The following EHBP1 variants were observed in gnomAD, a reference collection of about 807,000 sequenced individuals.
EHBP1 encodes EH domain binding protein 1.
Under a neutral mutation model 144.0 loss-of-function variants are expected in EHBP1, and 55 were observed. That is an observed-to-expected ratio of 0.38 (90% CI 0.31 to 0.48). EHBP1 has a LOEUF of 0.48. Ranked by LOEUF, EHBP1 falls within the 20% of genes least tolerant of loss-of-function variation. The pLI is 0.98. For missense variants in EHBP1, 1,200 were observed against 1,364.2 expected, an observed-to-expected ratio of 0.88 and a Z score of 1.90; for synonymous variants, 469 against 472.7, an observed-to-expected ratio of 0.99 and a Z score of 0.10.
intron 5 of EHBP1, among the ~76,000 whole-genome samples, chr2:62,778,868 G>GTT (rs11430153): frequency 4.6e-5 from 7 of 150,968 alleles, no homozygotes; most frequent in East Asian, 1.9e-4. Context: ...TCCTTTAGTT[G>GTT]TTTTTTTTTC....
At chr2:63,038,571 G>GTAAA (rs1466800919) in intron 20 of EHBP1, among the ~76,000 whole-genome samples, 172 bp from the exon 21 acceptor site, 1 of 152,164 alleles carries the variant, frequency 6.6e-6, no homozygotes, top group East Asian at 1.9e-4. Flanking sequence ...AATAGCACTA[G>GTAAA]TAAATATTCG....
At chr2:62,906,899 T>C (rs2053853499) in intron 10 of EHBP1, among the ~76,000 whole-genome samples, 1 of 152,242 alleles carries the variant, frequency 6.6e-6, no homozygotes, top group Non-Finnish European at 1.5e-5. Context: ...TTGAATCATA[T>C]AACCTTTTGG....
chr2:62,833,755 C>G (rs1367220695), intron 7 of EHBP1, among the ~76,000 whole-genome samples: 1 of 152,100 alleles, frequency 6.6e-6, no homozygotes, highest in Non-Finnish European at 1.5e-5. Context: ...GCTTTTGAGT[C>G]TTATTATTTA....
chr2:62,824,562 C>T (rs1268421683), intron 5 of EHBP1, among the ~76,000 whole-genome samples: 1 of 151,978 alleles, frequency 6.6e-6, no homozygotes, highest in Non-Finnish European at 1.5e-5. Context: ...ATCTGTTCAA[C>T]TTGATTCAGT....
intron 10 of EHBP1, among the ~76,000 whole-genome samples, chr2:62,899,879 C>T (rs958837390): frequency 2.0e-5 from 3 of 152,156 alleles, no homozygotes; most frequent in African/African-American, 7.2e-5. Flanking sequence ...GAAATATGCA[C>T]AGTTTATTTT....
chr2:62,936,279 A>G (rs1053929724), intron 10 of EHBP1, among the ~76,000 whole-genome samples: 1 of 152,130 alleles, frequency 6.6e-6, no homozygotes, highest in Non-Finnish European at 1.5e-5. Context: ...TTTCTTTAAC[A>G]GTTATAGAAC....
chr2:62,909,323 C>T (rs1308388010), intron 10 of EHBP1, among the ~76,000 whole-genome samples: 2 of 152,138 alleles, frequency 1.3e-5, no homozygotes, highest in East Asian at 3.9e-4. Context: ...GCTGGGACTA[C>T]AGTTGCATGC....
chr2:62,943,951 C>G, intron 12 of EHBP1, 101 bp downstream of exon 12: 2 of 749,188 alleles, frequency 2.7e-6, no homozygotes, highest in Non-Finnish European at 4.4e-6. Context: ...GAGGTCATAA[C>G]TACAACTCAC....
chr2:62,849,561 C>T (rs1215663909), intron 7 of EHBP1, among the ~76,000 whole-genome samples: 3 of 152,014 alleles, frequency 2.0e-5, no homozygotes, highest in Non-Finnish European at 2.9e-5. Context: ...ATAAATGAAA[C>T]ATTATAGATA....
chr2:62,835,166 G>A (rs1361692848), intron 7 of EHBP1, among the ~76,000 whole-genome samples: 2 of 151,930 alleles, frequency 1.3e-5, no homozygotes, highest in African/African-American at 4.8e-5. Context: ...ACCTATCTGT[G>A]TTATTTTAAG....
At chr2:62,993,761 A>G (rs1295404648) in intron 17 of EHBP1, 93 bp downstream of exon 17, 3 of 711,128 alleles carry the variant, frequency 4.2e-6, no homozygotes, top group South Asian at 1.1e-4. Context: ...TATATATAGC[A>G]TATATATATA....
At chr2:62,907,438 A>G (rs76776474) in intron 10 of EHBP1, among the ~76,000 whole-genome samples, 36 of 152,352 alleles carry the variant, frequency 2.4e-4, no homozygotes, top group Non-Finnish European at 4.1e-4. Flanking sequence ...ACACAATACC[A>G]TAAACTGGTT....
intron 12 of EHBP1, among the ~76,000 whole-genome samples, chr2:62,946,008 T>A (rs1249626961): frequency 6.6e-6 from 1 of 152,192 alleles, no homozygotes; most frequent in Admixed American, 6.5e-5. Flanking sequence ...TTTCATTAAT[T>A]ACAATTAAAT....
At chr2:62,754,127 T>G (rs2040031217) in intron 3 of EHBP1, among the ~76,000 whole-genome samples, 1 of 152,224 alleles carries the variant, frequency 6.6e-6, no homozygotes, top group Non-Finnish European at 1.5e-5. Flanking sequence ...TGTGGTTTTA[T>G]CTACCTTCGG....
At chr2:62,863,847 T>TG in intron 8 of EHBP1, among the ~76,000 whole-genome samples, 1 of 135,854 alleles carries the variant, frequency 7.4e-6, no homozygotes, top group South Asian at 2.5e-4. Context: ...GTTGTTTTTT[T>TG]TTTTTTTTTT....
rs574910221 is a variant in EHBP1 at position 62,682,149 on chromosome 2, T to C, written c.-296+8066T>C. On this transcript the variant is annotated intron_variant, in intron 1 of 22. Coordinates refer to the EHBP1 transcript ENST00000405015. ...AGGCTGGATAGCCATTTAGGAAGGATGTGGAGGACATGCCTACATTGTCAG... is the reference window on the plus strand; with the variant it reads ...AGGCTGGATAGCCATTTAGGAAGGACGTGGAGGACATGCCTACATTGTCAG... Among the ~76,000 whole-genome samples, 11 of 152,346 alleles carry C rather than the reference T, an allele frequency of 7.2e-5. No homozygotes were observed. The South Asian group carries it at 2.3e-3, about 32-fold the overall frequency.
intron 5 of EHBP1, among the ~76,000 whole-genome samples, chr2:62,777,558 C>T (rs1007747099): frequency 6.6e-6 from 1 of 151,566 alleles, no homozygotes; most frequent in Non-Finnish European, 1.5e-5. Context: ...CTAGGATGTC[C>T]CACAGTTATA....
At chr2:62,677,502 A>G (rs781397461) in intron 1 of EHBP1, among the ~76,000 whole-genome samples, 1 of 152,114 alleles carries the variant, frequency 6.6e-6, no homozygotes, top group Non-Finnish European at 1.5e-5. Flanking sequence ...AAACAATCCA[A>G]TTATACTCTT....
chr2:62,937,466 A>G (rs1385893629), intron 10 of EHBP1, among the ~76,000 whole-genome samples: 15 of 152,230 alleles, frequency 9.9e-5, no homozygotes, highest in Admixed American at 9.2e-4. Context: ...TGAAAAATTA[A>G]TAAGCCTTTT....
Sources: gnomAD v4.1 joint callset for allele counts (sites outside exome capture counted in the v4.1 genomes callset) on GRCh38, gnomAD v4.1.1 for gene constraint, MANE v1.5 for transcripts, NCBI Gene and HGNC (gene_info 2026-07-23, HGNC 2026-07-21) for gene names.